The following ZNF771 variants were observed in gnomAD, a reference collection of about 807,000 sequenced individuals.
The protein encoded by ZNF771 is mesenchymal stem cell protein DSC43.
In ZNF771, 10 loss-of-function variants were observed where a neutral mutation model predicts 27.6. The observed-to-expected ratio is 0.36, with a 90% confidence interval of 0.22 to 0.61. The LOEUF is 0.61. Among genes scored for constraint, ZNF771 ranks in the 20% least tolerant of loss-of-function variants. The pLI, the probability that ZNF771 is intolerant of heterozygous loss-of-function variation, is 0.70. For synonymous variants in ZNF771, 261 were observed against 225.2 expected (o/e 1.16, Z -1.43); for missense variants, 438 against 503.7 (o/e 0.87, Z 1.25).
rs2050151815 is a variant in ZNF771 at position 30,418,631 on chromosome 16, G to A, written c.*264G>A. 1 of 396,992 alleles carries A rather than the reference G, an allele frequency of 2.5e-6. No individual in the cohort carries two copies. The highest frequency in any genetic ancestry group is 1.0e-4 in the South Asian group (1 of 9,778). 24.6% of individuals were successfully genotyped at this position (396,992 alleles called of 1,614,324 possible). A position where few individuals can be genotyped will look rare whatever the true frequency, so the allele number is the denominator to read the frequency against. ...GCCTGTGAGTGAGGTGGGTGGGAGAGGAAGAAAGTTGGGGTTCTCCAGGCT... is the reference window on the plus strand; with the variant it reads ...GCCTGTGAGTGAGGTGGGTGGGAGAAGAAGAAAGTTGGGGTTCTCCAGGCT... On this transcript the variant is annotated 3_prime_UTR_variant, in exon 3 of 3. Coordinates refer to ENST00000319296, the MANE Select transcript of ZNF771 (RefSeq NM_001142305.2).
chr16:30,418,390 C>T lies in ZNF771; in HGVS notation c.*23C>T. ...TGAGTCCCGCAGGGCTGCGGAGGGGCGCGCTGGGGCTTCGACCTGGCTGCA... is the reference window on the plus strand; with the variant it reads ...TGAGTCCCGCAGGGCTGCGGAGGGGTGCGCTGGGGCTTCGACCTGGCTGCA... On this transcript the variant is annotated 3_prime_UTR_variant, in exon 3 of 3. Transcript: ENST00000319296. 4.4e-6 allele frequency: 6 copies of T among 1,363,160 alleles called. No homozygotes were observed. The South Asian group carries it at 5.1e-5, about 12-fold the overall frequency. 84.4% of individuals were successfully genotyped at this position (1,363,160 alleles called of 1,614,324 possible). A position where few individuals can be genotyped will look rare whatever the true frequency, so the allele number is the denominator to read the frequency against.
rs1009565368 is a variant in ZNF771 at position 30,417,539 on chromosome 16, C to T, written c.142-16C>T. On this transcript the variant is annotated splice_polypyrimidine_tract_variant and intron_variant, in intron 2 of 2. Coordinates refer to ENST00000319296, the MANE Select transcript of ZNF771 (RefSeq NM_001142305.2). The stretch of plus-strand genomic sequence containing the variant: ...GGCCTGCCGCTAAGGGCTGACCTAT[C>T]CCCCTCTCCCCGCAGGTCCCGGGCG... The T allele has an allele frequency of 7.5e-5, 91 of 1,215,136 alleles. 1 individual carries two copies. Among genetic ancestry groups the T allele is most frequent in the Non-Finnish European group, 9.1e-5 (89 of 978,300 alleles). 75.3% of individuals were successfully genotyped at this position (1,215,136 alleles called of 1,614,324 possible).
chr16:30,417,085 C>T (rs776729243), intron 2 of ZNF771, among the ~76,000 whole-genome samples: 2 of 152,294 alleles, frequency 1.3e-5, no homozygotes, highest in Non-Finnish European at 1.5e-5. Flanking sequence ...TGCGCCCTGC[C>T]GTTCCCTCTG....
intron 2 of ZNF771, among the ~76,000 whole-genome samples, chr16:30,410,143 G>A (rs1286627604): frequency 3.4e-5 from 5 of 147,888 alleles, no homozygotes; most frequent in East Asian, 4.0e-4. Flanking sequence ...TCACTATGTC[G>A]CCCAGGCTGG....
In ZNF771 at chr16:30,417,764, GC is replaced by G; in HGVS notation, c.354del (p.Tyr119ThrfsTer152). 6.9e-7 allele frequency: 1 copy of G among 1,456,542 alleles called. No individual in the cohort carries two copies. Among genetic ancestry groups the G allele is most frequent in the Non-Finnish European group, 9.0e-7 (1 of 1,111,046 alleles). The allele number at this position is 1,456,542 out of a possible 1,614,324, so 90.2% of individuals were successfully genotyped here. On this transcript the variant is annotated frameshift_variant, in exon 3 of 3. Transcript: ENST00000319296. LOFTEE classifies it high-confidence loss of function. ...ACGGCCGCACGCACACGGGCGAGCG[GC>G]CCTACGAGTGCCCCGAGTGCGACAA... ...KHGRTHTGER[P>X]YECPECDKRF...
intron 2 of ZNF771, 86 bp downstream of exon 2, chr16:30,408,280 C>T: frequency 6.4e-7 from 1 of 1,568,032 alleles, no homozygotes; most frequent in South Asian, 1.1e-5. Flanking sequence ...GGGATCTTGC[C>T]CCTACTTTTC....
chr16:30,413,771 G>T (rs1035629643), intron 2 of ZNF771: 2 of 207,672 alleles, frequency 9.6e-6, no homozygotes, highest in African/African-American at 4.6e-5. Context: ...GTCTAACTGT[G>T]TTGCCCAGGC....
At chr16:30,410,063 C>A (rs2050095761) in intron 2 of ZNF771, among the ~76,000 whole-genome samples, 3 of 152,044 alleles carry the variant, frequency 2.0e-5, no homozygotes, top group Admixed American at 2.0e-4. Flanking sequence ...CTCCCCAAAG[C>A]TCAGGACCTT....
Position 30,417,572 on chromosome 16 carries a change from C to A in ZNF771, c.159C>A (p.Pro53=). ...MDNKEVPGEA[P]APSADPARPH... Reference sequence around the variant, plus strand: ...CCCCGCAGGTCCCGGGCGAGGCGCCCGCGCCGTCCGCCGACCCGGCGCGTC... The same window carrying A: ...CCCCGCAGGTCCCGGGCGAGGCGCCAGCGCCGTCCGCCGACCCGGCGCGTC... The change falls in exon 3 of 3, where the codon CCC becomes CCA. Residue 53 remains proline (P), a synonymous_variant. Coordinates refer to ENST00000319296, the MANE Select transcript of ZNF771 (RefSeq NM_001142305.2). 8.2e-7 allele frequency: 1 copy of A among 1,225,600 alleles called. No individual in the cohort carries two copies. The highest frequency in any genetic ancestry group is 1.0e-6 in the Non-Finnish European group (1 of 985,764). The allele number at this position is 1,225,600 out of a possible 1,614,324, so 75.9% of individuals were successfully genotyped here.
At chr16:30,410,856 CAAAAAAAAA>C (rs71149015) in intron 2 of ZNF771, among the ~76,000 whole-genome samples, 9 of 27,398 alleles carry the variant, frequency 3.3e-4, no homozygotes, top group East Asian at 3.4e-3. Context: ...CTCATCTCTA[CAAAAAAAAA>C]AAAAAAAAAA....
At chr16:30,413,657 A>C in intron 2 of ZNF771, 2 of 387,216 alleles carry the variant, frequency 5.2e-6, no homozygotes, top group South Asian at 1.8e-5. Flanking sequence ...GCAGCCTTGA[A>C]CTCTTGGGCT....
chr16:30,413,513 C>A, intron 2 of ZNF771: 2 of 274,370 alleles, frequency 7.3e-6, no homozygotes, highest in Non-Finnish European at 1.5e-5. Context: ...AATTATGAGA[C>A]TTTTTTAAAG....
chr16:30,407,998 GTGGGGGGGGGCGGGTCC>G, intron 1 of ZNF771, 30 bp from the exon 2 acceptor site: 1 of 841,644 alleles, frequency 1.2e-6, no homozygotes, highest in East Asian at 4.2e-5. Flanking sequence ...GGGGGGGGGG[GTGGGGGGGGGCGGGTCC>G]TGAGCTTCTG....
At position 30,408,076 on chromosome 16, in the gene ZNF771, A is replaced by G. The variant is rs747331438; in HGVS notation, c.23A>G (p.Glu8Gly). 2 of 1,601,844 alleles carry G rather than the reference A, an allele frequency of 1.2e-6. No individual in the cohort carries two copies. The highest frequency in any genetic ancestry group is 8.5e-7 in the Non-Finnish European group (1 of 1,173,482). MPGEQQA[E>G]EEEEEEMQEE... ...AAGATGCCTGGCGAACAGCAGGCAGAGGAAGAGGAGGAGGAAGAGATGCAG... is the reference window on the plus strand; with the variant it reads ...AAGATGCCTGGCGAACAGCAGGCAGGGGAAGAGGAGGAGGAAGAGATGCAG... The change falls in exon 2 of 3, where the codon GAG (glutamate) becomes GGG (glycine). Residue 8 changes from glutamate (E) to glycine (G), a missense_variant. By Grantham distance (98) the Glu-to-Gly change is moderately conservative (BLOSUM62 -2). Transcript: ENST00000319296.
intron 2 of ZNF771, chr16:30,414,583 TATC>T (rs1267148885): frequency 6.6e-6 from 1 of 152,248 alleles, no homozygotes; most frequent in African/African-American, 2.4e-5. Flanking sequence ...TTGCTATTGT[TATC>T]AGTATAGATA....
chr16:30,418,228 C>A lies in ZNF771; in HGVS notation c.815C>A (p.Ser272Ter). 6.6e-7 allele frequency: 1 copy of A among 1,515,570 alleles called. No homozygotes were observed. The highest frequency in any genetic ancestry group is 8.8e-7 in the Non-Finnish European group (1 of 1,138,732). The allele number at this position is 1,515,570 out of a possible 1,614,324, so 93.9% of individuals were successfully genotyped here. Residue 272 changes from serine (S) to a stop codon, truncating the protein, a stop_gained, in exon 3 of 3, where the codon TCG becomes TAG. Coordinates refer to ENST00000319296, the MANE Select transcript of ZNF771 (RefSeq NM_001142305.2). LOFTEE classifies it high-confidence loss of function. ...AECGRRFRLSSHFIRHRRAHM... is the reference protein window; with the variant it reads ...AECGRRFRLS ...TGCGGCCGCCGCTTCCGCCTAAGCT[C>A]GCACTTCATTCGCCACCGACGCGCG...
chr16:30,413,576 TC>T, intron 2 of ZNF771: 1 of 412,256 alleles, frequency 2.4e-6, no homozygotes, highest in Admixed American at 2.7e-5. Flanking sequence ...GGTTTTTTTT[TC>T]TTTTTTTAGA....
At chr16:30,417,525 A>G (rs1879343405) in intron 2 of ZNF771, 30 bp from the exon 3 acceptor site, 4 of 1,206,912 alleles carry the variant, frequency 3.3e-6, no homozygotes, top group Non-Finnish European at 4.1e-6. Flanking sequence ...GCCTGCCGCT[A>G]AGGGCTGACC....
At chr16:30,413,594 A>G in intron 2 of ZNF771, 1 of 435,254 alleles carries the variant, frequency 2.3e-6, no homozygotes, top group Non-Finnish European at 4.7e-6. Context: ...TAGAGACACG[A>G]TCTCGCTTTG....
Sources: gnomAD v4.1 joint callset for allele counts (sites outside exome capture counted in the v4.1 genomes callset) on GRCh38, gnomAD v4.1.1 for gene constraint, MANE v1.5 for transcripts, NCBI Gene and HGNC (gene_info 2026-07-23, HGNC 2026-07-21) for gene names.